Variants in NLGN1 observed in about 807,000 individuals in gnomAD.
The protein encoded by NLGN1 is neuroligin-1.
NLGN1 carries 12 observed loss-of-function variants against 65.5 expected under a neutral mutation model. The ratio of observed to expected loss-of-function variants is 0.18; its 90% CI spans 0.12 to 0.30. NLGN1 has a LOEUF of 0.30. Among genes scored for constraint, NLGN1 ranks in the 10% least tolerant of loss-of-function variants. The probability of loss-of-function intolerance (pLI) is 1.00; values close to 1 mark genes in which losing one functional copy is unlikely to be tolerated. For synonymous variants in NLGN1, 350 were observed against 359.5 expected, an observed-to-expected ratio of 0.97 and a Z score of 0.30; for missense variants, 750 against 1,007.1, an observed-to-expected ratio of 0.74 and a Z score of 3.46.
intron 4 of NLGN1, among the ~76,000 whole-genome samples, chr3:173,850,057 G>C (rs1169794231): frequency 6.6e-6 from 1 of 151,994 alleles, no homozygotes; most frequent in Non-Finnish European, 1.5e-5. Context: ...AAATAATACA[G>C]AAAAATATAG....
intron 4 of NLGN1, among the ~76,000 whole-genome samples, chr3:174,098,451 G>A (rs908142895): frequency 9.8e-5 from 15 of 152,290 alleles, no homozygotes; most frequent in African/African-American, 3.6e-4. Context: ...TAAAAGGAGG[G>A]TCAGTGGGAA....
downstream of NLGN1, among the ~76,000 whole-genome samples, chr3:174,286,932 G>A (rs191191053): frequency 1.9e-4 from 28 of 151,270 alleles, no homozygotes; most frequent in East Asian, 3.7e-3. Context: ...AAGTGAGAGA[G>A]AACAAAAAGG....
In NLGN1 at chr3:173,483,739, A is replaced by G. The variant is rs76463374; in HGVS notation, c.-321+48661A>G. 2.7e-3 allele frequency among the ~76,000 whole-genome samples: 416 copies of G among 152,300 alleles called. 2 individuals carry two copies. Among genetic ancestry groups the G allele is most frequent in the African/African-American group, 9.0e-3 (373 of 41,570 alleles). ...ACTTATAGAGTGGAAGGGCCCTTGC[A>G]GATCATCTAGTTCACTAGGAAGATA... On this transcript the variant is annotated intron_variant, in intron 2 of 6. Coordinates refer to ENST00000457714, the Ensembl canonical transcript of NLGN1.
intron 3 of NLGN1, among the ~76,000 whole-genome samples, chr3:173,611,390 G>A (rs1752267438): frequency 1.3e-5 from 2 of 151,820 alleles, no homozygotes; most frequent in Admixed American, 1.3e-4. Flanking sequence ...TAGAATGGAG[G>A]AACTAAAACA....
At position 174,213,311 on chromosome 3, in the gene NLGN1, A is replaced by T. The variant is rs543848835; in HGVS notation, c.647-62004A>T. 8.2e-4 allele frequency among the ~76,000 whole-genome samples: 125 copies of T among 152,328 alleles called. 4 individuals carry two copies. The South Asian group carries it at 0.024, about 30-fold the overall frequency. On this transcript the variant is annotated intron_variant, in intron 4 of 6. Coordinates refer to ENST00000457714, the Ensembl canonical transcript of NLGN1. ...CATAGCCATAGTCAAATGTTTTGTT[A>T]GAGTATAATTTTCTGAAAATTAAAA...
intron 4 of NLGN1, among the ~76,000 whole-genome samples, chr3:173,898,856 A>G (rs930742623): frequency 1.3e-5 from 2 of 152,154 alleles, no homozygotes; most frequent in Admixed American, 6.6e-5. Context: ...AGCTGTCCCA[A>G]TGACTTTAGA....
At chr3:173,446,506 A>G (rs1258654326) in intron 2 of NLGN1, among the ~76,000 whole-genome samples, 1 of 152,184 alleles carries the variant, frequency 6.6e-6, no homozygotes, top group East Asian at 1.9e-4. Context: ...TGCTATTGTG[A>G]ATAGTGCCGC....
At chr3:174,081,696 C>T (rs1184830390) in intron 4 of NLGN1, among the ~76,000 whole-genome samples, 6 of 151,606 alleles carry the variant, frequency 4.0e-5, no homozygotes, top group African/African-American at 1.2e-4. Context: ...CTCAGCCTCC[C>T]GAGTAGCTGG....
intron 3 of NLGN1, among the ~76,000 whole-genome samples, chr3:173,621,341 G>T (rs923704477): frequency 9.2e-5 from 14 of 152,156 alleles, no homozygotes; most frequent in African/African-American, 3.4e-4. Flanking sequence ...TAGGGCTTTT[G>T]TCTGGTAAGG....
At chr3:173,840,998 C>G (rs1235009557) in intron 4 of NLGN1, among the ~76,000 whole-genome samples, 1 of 152,142 alleles carries the variant, frequency 6.6e-6, no homozygotes, top group Admixed American at 6.5e-5. Flanking sequence ...CAACTACAAA[C>G]ATATAGACAA....
rs181965807 is a variant in NLGN1 at position 173,595,139 on chromosome 3, C to T, written c.-320-9140C>T. ...ATTTCTGCAGCTGGCTTGAATTTCT[C>T]CTCAGAAAATGGGTTTTTCTTTTCT... On this transcript the variant is annotated intron_variant, in intron 2 of 6. Transcript: ENST00000457714. Among the ~76,000 whole-genome samples the T allele has an allele frequency of 1.7e-3, 265 of 152,320 alleles. 1 individual carries two copies. Among genetic ancestry groups the T allele is most frequent in the Admixed American group, 5.2e-3 (79 of 15,298 alleles).
chr3:174,275,700 C>A (rs1561454021), intron 5 of NLGN1, among the ~76,000 whole-genome samples, 173 bp downstream of exon 5: 2 of 151,832 alleles, frequency 1.3e-5, no homozygotes, highest in African/African-American at 4.8e-5. Flanking sequence ...TCGTCAAACT[C>A]TTTTCTTTGT....
At chr3:173,538,859 C>G (rs1207326686) in intron 2 of NLGN1, among the ~76,000 whole-genome samples, 1 of 143,090 alleles carries the variant, frequency 7.0e-6, no homozygotes, top group African/African-American at 2.6e-5. Context: ...TTACATGGAG[C>G]AAATATCTTC....
At chr3:173,626,653 A>AT (rs986457379) in intron 3 of NLGN1, among the ~76,000 whole-genome samples, 5 of 151,968 alleles carry the variant, frequency 3.3e-5, no homozygotes, top group African/African-American at 1.2e-4. Context: ...TGTTTACTAT[A>AT]TTTTTTCCCA....
At chr3:174,056,263 T>C (rs1580043820) in intron 4 of NLGN1, among the ~76,000 whole-genome samples, 2 of 152,178 alleles carry the variant, frequency 1.3e-5, no homozygotes, top group East Asian at 1.9e-4. Context: ...ATGTTGGTAA[T>C]TCCTCGTGTC....
In NLGN1 at chr3:173,989,765, G is replaced by A. The variant is rs141409917; in HGVS notation, c.646+181933G>A. ...TCTCCTCCCACCCTTCCTTTTCCCC[G>A]TGCTCAGCATTTTGGCTTCGGTGTT... On this transcript the variant is annotated intron_variant, in intron 4 of 6. Transcript: ENST00000457714. Among the ~76,000 whole-genome samples, 379 of 152,078 alleles carry A rather than the reference G, an allele frequency of 2.5e-3. 2 individuals carry two copies. The highest frequency in any genetic ancestry group is 0.023 in the East Asian group (117 of 5,144).
chr3:173,747,936 C>T (rs950744976), intron 3 of NLGN1, among the ~76,000 whole-genome samples: 1 of 147,932 alleles, frequency 6.8e-6, no homozygotes, highest in Admixed American at 6.9e-5. Flanking sequence ...GCCTCAGCCT[C>T]TTGAGTAGCT....
chr3:173,769,105 G>T (rs1453447992), intron 3 of NLGN1, among the ~76,000 whole-genome samples: 2 of 152,054 alleles, frequency 1.3e-5, no homozygotes, highest in African/African-American at 2.4e-5. Context: ...CTTTGTTCAA[G>T]AATCTTCAGG....
intron 4 of NLGN1, among the ~76,000 whole-genome samples, chr3:174,257,650 G>A (rs553480000): frequency 2.6e-4 from 40 of 151,840 alleles, no homozygotes; most frequent in African/African-American, 8.9e-4. Context: ...CAACTAATGC[G>A]TTTGTTTGGT....
Sources: allele counts gnomAD v4.1 joint callset (sites outside exome capture counted in the v4.1 genomes callset), GRCh38; gene constraint gnomAD v4.1.1; transcripts MANE v1.5; gene names NCBI Gene and HGNC (gene_info 2026-07-23, HGNC 2026-07-21).